Variants in CDH20 observed in about 807,000 individuals in gnomAD.
CDH20 encodes the protein cadherin-20.
Under a neutral mutation model 74.2 loss-of-function variants are expected in CDH20, and 29 were observed. That is an observed-to-expected ratio of 0.39 (90% CI 0.29 to 0.53). The LOEUF is 0.53. Ranked by LOEUF, CDH20 falls within the 20% of genes least tolerant of loss-of-function variation. The pLI, the probability that CDH20 is intolerant of heterozygous loss-of-function variation, is 0.69. For synonymous variants in CDH20, 469 were observed against 405.4 expected (o/e 1.16, Z -1.88); for missense variants, 988 against 1,048.3 (o/e 0.94, Z 0.79).
intron 1 of CDH20, among the ~76,000 whole-genome samples, chr18:61,362,037 G>A (rs1418221576): frequency 6.6e-6 from 1 of 152,148 alleles, no homozygotes; most frequent in African/African-American, 2.4e-5. Context: ...CAGGGAGGGT[G>A]AGTGAATCAC....
At chr18:61,474,791 G>A (rs1368312179) in intron 1 of CDH20, among the ~76,000 whole-genome samples, 1 of 152,164 alleles carries the variant, frequency 6.6e-6, no homozygotes, top group Non-Finnish European at 1.5e-5. Flanking sequence ...CATGACCAGA[G>A]TGGCAGGGGG....
At chr18:61,542,662 T>C (rs1316125281) in intron 9 of CDH20, among the ~76,000 whole-genome samples, 2 of 152,164 alleles carry the variant, frequency 1.3e-5, no homozygotes, top group African/African-American at 4.8e-5. Context: ...TACCTGAGGC[T>C]GGGTAATTTA....
chr18:61,452,588 G>A lies in CDH20; in HGVS notation c.-152-37814G>A, dbSNP rs950421773. Among the ~76,000 whole-genome samples, 12 of 152,226 alleles carry A rather than the reference G, an allele frequency of 7.9e-5. No individual in the cohort carries two copies. In the East Asian group the frequency reaches 1.7e-3, roughly 22 times the overall value. ...TGAATGTATTTGTCTACCACGAATCGCCATATACAAACAGGTATAAATAAG... is the reference window on the plus strand; with the variant it reads ...TGAATGTATTTGTCTACCACGAATCACCATATACAAACAGGTATAAATAAG... On this transcript the variant is annotated intron_variant, in intron 1 of 11. Coordinates refer to ENST00000262717, the MANE Select transcript of CDH20 (RefSeq NM_031891.4).
chr18:61,536,490 C>A lies in CDH20; in HGVS notation c.1272-3C>A, dbSNP rs1202194084. The A allele has an allele frequency of 6.2e-7, 1 of 1,613,052 alleles. No individual in the cohort carries two copies. Among genetic ancestry groups the A allele is most frequent in the East Asian group, 2.2e-5 (1 of 44,850 alleles). ...ATGATGTACGTAATCCATGTTTCTG[C>A]AGATACTCCATTGATAGAAGCAGTG... On this transcript the variant is annotated splice_polypyrimidine_tract_variant and splice_region_variant and intron_variant, in intron 7 of 11. Transcript: ENST00000262717.
chr18:61,388,632 G>C (rs1911675448), intron 1 of CDH20, among the ~76,000 whole-genome samples: 1 of 152,152 alleles, frequency 6.6e-6, no homozygotes, highest in South Asian at 2.1e-4. Context: ...TAAAGGTTCT[G>C]TAACTTAGCT....
At chr18:61,532,927 A>G (rs1201756943) in intron 7 of CDH20, among the ~76,000 whole-genome samples, 2 of 152,214 alleles carry the variant, frequency 1.3e-5, no homozygotes, top group Admixed American at 1.3e-4. Context: ...CACAGTAGTT[A>G]TAACTCCATA....
chr18:61,465,234 C>T (rs927142361), intron 1 of CDH20, among the ~76,000 whole-genome samples: 1 of 152,160 alleles, frequency 6.6e-6, no homozygotes, highest in Non-Finnish European at 1.5e-5. Flanking sequence ...ACTTTCTACA[C>T]ATATACCCCT....
chr18:61,405,173 C>T, intron 1 of CDH20: 2 of 511,608 alleles, frequency 3.9e-6, no homozygotes, highest in East Asian at 4.6e-5. Flanking sequence ...TGATCAACTC[C>T]AGCGACTTTT....
intron 4 of CDH20, 22 bp downstream of exon 4, chr18:61,500,524 T>C (rs750382414): frequency 1.3e-6 from 2 of 1,595,258 alleles, no homozygotes; most frequent in Non-Finnish European, 1.7e-6. Context: ...AAGGGTCGAG[T>C]CAGAGGTGTT....
Position 61,531,882 on chromosome 18 carries a change from G to A in CDH20, c.1271+3662G>A, listed in dbSNP as rs143432102. Among the ~76,000 whole-genome samples the A allele has an allele frequency of 8.8e-4, 134 of 152,296 alleles. 2 individuals carry two copies. The East Asian group carries it at 0.023, about 26-fold the overall frequency. On this transcript the variant is annotated intron_variant, in intron 7 of 11. Transcript: ENST00000262717. ...ACATGTTTGCGTCCCTTTCCACTAC[G>A]ATTGTAAGTGTGCTGAGGCCTTCCC...
In CDH20 at chr18:61,539,904, CT is replaced by C. The variant is rs538680339; in HGVS notation, c.1530+761del. Reference sequence around the variant, plus strand: ...AGTAATCCAAAAGGATAAAGGTCTACTTATTTGAAATATACCTCCATAATCT... The same window carrying C: ...AGTAATCCAAAAGGATAAAGGTCTACTATTTGAAATATACCTCCATAATCT... On this transcript the variant is annotated intron_variant, in intron 9 of 11. Coordinates refer to ENST00000262717, the MANE Select transcript of CDH20 (RefSeq NM_031891.4). 1.2e-4 allele frequency among the ~76,000 whole-genome samples: 19 copies of C among 152,260 alleles called. No individual in the cohort carries two copies. The South Asian group carries it at 3.7e-3, about 30-fold the overall frequency.
At chr18:61,516,968 G>A (rs1174751829) in intron 6 of CDH20, among the ~76,000 whole-genome samples, 1 of 152,120 alleles carries the variant, frequency 6.6e-6, no homozygotes, top group Admixed American at 6.6e-5. Flanking sequence ...AAAGTCTTAA[G>A]TAACTTACTT....
intron 1 of CDH20, among the ~76,000 whole-genome samples, chr18:61,374,256 A>G (rs1057380338): frequency 5.3e-5 from 8 of 152,150 alleles, no homozygotes; most frequent in African/African-American, 1.9e-4. Context: ...TTCTGAGAGT[A>G]GTGAGTAGGT....
intron 1 of CDH20, among the ~76,000 whole-genome samples, chr18:61,405,513 G>A (rs1912302594): frequency 6.6e-6 from 1 of 152,334 alleles, no homozygotes; most frequent in African/African-American, 2.4e-5. Flanking sequence ...CTTCAGCCCA[G>A]GAGTTCGAGA....
intron 6 of CDH20, among the ~76,000 whole-genome samples, chr18:61,509,493 A>T (rs1166213474): frequency 6.6e-6 from 1 of 152,162 alleles, no homozygotes; most frequent in Non-Finnish European, 1.5e-5. Context: ...GTATTTCAAG[A>T]ACAGCAACAG....
chr18:61,490,671 C>G lies in CDH20; in HGVS notation c.118C>G (p.Gln40Glu). 6.2e-7 allele frequency: 1 copy of G among 1,614,062 alleles called. No individual in the cohort carries two copies. Among genetic ancestry groups the G allele is most frequent in the Non-Finnish European group, 8.5e-7 (1 of 1,180,022 alleles). The change falls in exon 2 of 12, where the codon CAA (glutamine) becomes GAA (glutamate). Residue 40 changes from glutamine (Q) to glutamate (E), a missense_variant. Transcript: ENST00000262717. ...CGTTCTCTCGGACACCCCAACACCA[C>G]AAGGTGAATTAGAAGCACTCCTGTC... ...TTVLSDTPTP[Q>E]GELEALLSDK...
chr18:61,347,530 AC>A (rs1910168661), intron 1 of CDH20, among the ~76,000 whole-genome samples: 1 of 150,154 alleles, frequency 6.7e-6, no homozygotes, highest in East Asian at 1.9e-4. Context: ...AGGGAAAAAA[AC>A]AAACAAACAA....
chr18:61,451,886 A>C (rs998187736), intron 1 of CDH20, among the ~76,000 whole-genome samples: 1 of 152,108 alleles, frequency 6.6e-6, no homozygotes, highest in African/African-American at 2.4e-5. Flanking sequence ...CTTTATAAGA[A>C]CTGACATACC....
intron 1 of CDH20, among the ~76,000 whole-genome samples, chr18:61,396,019 A>C (rs935585324): frequency 1.4e-5 from 2 of 143,758 alleles, no homozygotes; most frequent in Non-Finnish European, 3.1e-5. Context: ...CAGGCATAGT[A>C]TCTCTCCTGT....
Sources: allele counts gnomAD v4.1 joint callset (sites outside exome capture counted in the v4.1 genomes callset), GRCh38; gene constraint gnomAD v4.1.1; transcripts MANE v1.5; gene names NCBI Gene and HGNC (gene_info 2026-07-23, HGNC 2026-07-21).